STK31: variants seen among roughly 807,000 people sequenced by gnomAD.
STK31 encodes the protein serine/threonine-protein kinase 31.
In STK31, 89 loss-of-function variants were observed where a neutral mutation model predicts 129.7. The ratio of observed to expected loss-of-function variants is 0.69; its 90% confidence interval spans 0.58 to 0.82. The LOEUF (loss-of-function observed/expected upper bound fraction) is 0.82. STK31 is among the 40% of genes least tolerant of loss of function. The pLI, the probability that STK31 is intolerant of heterozygous loss-of-function variation, is 0.00. For synonymous variants in STK31, 448 were observed against 395.3 expected (o/e 1.13, Z -1.58); for missense variants, 1,187 against 1,176.4 (o/e 1.01, Z -0.13).
intron 16 of STK31, among the ~76,000 whole-genome samples, chr7:23,782,408 G>A (rs1562597797): frequency 6.7e-6 from 1 of 148,580 alleles, no homozygotes; most frequent in East Asian, 2.0e-4. Flanking sequence ...GGAGGTTGAG[G>A]CTGCATTGAG....
At chr7:23,791,467 G>A (rs1238145325) in intron 22 of STK31, 1 of 217,252 alleles carries the variant, frequency 4.6e-6, no homozygotes, top group African/African-American at 2.4e-5. Context: ...TCTACTTGAG[G>A]GTGGAGGTTG....
chr7:23,814,508 T>C (rs1161600648), intron 22 of STK31, among the ~76,000 whole-genome samples: 1 of 152,122 alleles, frequency 6.6e-6, no homozygotes, highest in Non-Finnish European at 1.5e-5. Flanking sequence ...AATAAAAGAC[T>C]GTCTCTTAGA....
intron 23 of STK31, among the ~76,000 whole-genome samples, chr7:23,817,022 C>A (rs1282056040): frequency 6.6e-6 from 1 of 152,020 alleles, no homozygotes; most frequent in Non-Finnish European, 1.5e-5. Context: ...CCTGTCTGTA[C>A]TAAAAATACA....
intron 23 of STK31, among the ~76,000 whole-genome samples, chr7:23,815,461 A>G (rs77916354): frequency 5.3e-4 from 81 of 152,264 alleles, no homozygotes; most frequent in Non-Finnish European, 1.0e-3. Context: ...ATTGTTTACT[A>G]TGTGTTTCAA....
chr7:23,785,051 G>A (rs1791181886), intron 17 of STK31, among the ~76,000 whole-genome samples: 1 of 152,032 alleles, frequency 6.6e-6, no homozygotes, highest in Non-Finnish European at 1.5e-5. Context: ...AAGTTCTTTA[G>A]TGGTGATTTC....
At chr7:23,824,495 T>G (rs1441616865) in intron 23 of STK31, among the ~76,000 whole-genome samples, 1 of 152,212 alleles carries the variant, frequency 6.6e-6, no homozygotes, top group Non-Finnish European at 1.5e-5. Flanking sequence ...AAGGAGATTT[T>G]GGGCTGAGAT....
At chr7:23,729,829 AT>A (rs1787297829) in intron 6 of STK31, among the ~76,000 whole-genome samples, 1 of 152,170 alleles carries the variant, frequency 6.6e-6, no homozygotes, top group Admixed American at 6.6e-5. Flanking sequence ...CTCTTATATG[AT>A]GGAGAAAATA....
At chr7:23,767,407 T>C (rs1159630987) in intron 11 of STK31, among the ~76,000 whole-genome samples, 1 of 152,202 alleles carries the variant, frequency 6.6e-6, no homozygotes, top group Non-Finnish European at 1.5e-5. Context: ...GTTTAGGGAA[T>C]AGAATGGGGT....
intron 7 of STK31, among the ~76,000 whole-genome samples, chr7:23,736,580 A>T: frequency 1.8e-5 from 1 of 54,214 alleles, no homozygotes; most frequent in Non-Finnish European, 3.3e-5. Flanking sequence ...GGACGGGGGG[A>T]TCACGGGGGG....
At chr7:23,830,402 C>T (rs1794469507) in intron 23 of STK31, among the ~76,000 whole-genome samples, 1 of 151,756 alleles carries the variant, frequency 6.6e-6, no homozygotes, top group Admixed American at 6.6e-5. Flanking sequence ...CTTCTCTTTT[C>T]TCACTGCTTT....
chr7:23,823,312 CATT>C (rs1191397898), intron 23 of STK31, among the ~76,000 whole-genome samples: 3 of 152,098 alleles, frequency 2.0e-5, no homozygotes, highest in Admixed American at 6.6e-5. Flanking sequence ...GATGGTATCT[CATT>C]GTGGTTTTGA....
chr7:23,828,954 C>G (rs1794371898), intron 23 of STK31, among the ~76,000 whole-genome samples: 1 of 151,566 alleles, frequency 6.6e-6, no homozygotes, highest in South Asian at 2.1e-4. Context: ...AGCTGGAGTG[C>G]AGTGGCGTGA....
rs763482114 is a variant in STK31 at position 23,762,765 on chromosome 7, G to A, written c.1294-36G>A. ...AGGTCATATGCGGAAAAGACCTGAT[G>A]TATTAATGATGGTTATTCTTTTTTT... On this transcript the variant is annotated intron_variant, in intron 10 of 23. Transcript: ENST00000355870. 29 of 1,602,642 alleles carry A rather than the reference G, an allele frequency of 1.8e-5. 1 individual carries two copies. The South Asian group carries it at 3.1e-4, about 17-fold the overall frequency.
chr7:23,760,935 G>A (rs1402637087), intron 10 of STK31, among the ~76,000 whole-genome samples: 1 of 152,038 alleles, frequency 6.6e-6, no homozygotes, highest in Non-Finnish European at 1.5e-5. Context: ...CAAAGTCCTG[G>A]GATTGCAAGT....
chr7:23,751,517 A>C (rs1325108633), intron 8 of STK31, among the ~76,000 whole-genome samples: 2 of 152,184 alleles, frequency 1.3e-5, no homozygotes, highest in African/African-American at 2.4e-5. Flanking sequence ...TGCATTTTTA[A>C]AAGTTATGTG....
intron 1 of STK31, 118 bp downstream of exon 1, chr7:23,710,453 CCTT>C (rs989992464): frequency 6.4e-5 from 101 of 1,570,170 alleles, no homozygotes; most frequent in East Asian, 1.1e-4. Flanking sequence ...TTTTCTGTCA[CCTT>C]CTAGCCGCCC....
Position 23,735,871 on chromosome 7 carries a change from G to A in STK31, c.817G>A (p.Ala273Thr). ...MTLDLKDENDAGNLITFPKES... is the reference protein window; with the variant it reads ...MTLDLKDENDTGNLITFPKES... ...TCTTGACTTGAAGGATGAAAATGAT[G>A]CAGGCAATCTTATAACATTTCCAAA... Residue 273 changes from alanine (A) to threonine (T), a missense_variant, in exon 7 of 24, where the codon GCA becomes ACA. Physicochemically the swap from Ala to Thr is moderately conservative, Grantham distance 58. Transcript: ENST00000355870. 1.3e-6 allele frequency: 2 copies of A among 1,588,918 alleles called. No individual in the cohort carries two copies. The highest frequency in any genetic ancestry group is 2.2e-5 in the East Asian group (1 of 44,524).
intron 10 of STK31, among the ~76,000 whole-genome samples, chr7:23,757,429 G>T (rs895709959): frequency 6.6e-6 from 1 of 152,112 alleles, no homozygotes; most frequent in Non-Finnish European, 1.5e-5. Flanking sequence ...GGGGGATGTG[G>T]CAGGACAATA....
intron 8 of STK31, among the ~76,000 whole-genome samples, chr7:23,743,190 G>T (rs1788157952): frequency 6.6e-6 from 1 of 152,090 alleles, no homozygotes; most frequent in African/African-American, 2.4e-5. Context: ...CTGACCTCAG[G>T]TGATCTGCCC....
Sources: allele counts gnomAD v4.1 joint callset (sites outside exome capture counted in the v4.1 genomes callset), GRCh38; gene constraint gnomAD v4.1.1; transcripts MANE v1.5; gene names NCBI Gene and HGNC (gene_info 2026-07-23, HGNC 2026-07-21).